ALG9: variants seen among roughly 807,000 people sequenced by gnomAD.
The protein encoded by ALG9 is ALG9 alpha-1,2-mannosyltransferase.
Under a neutral mutation model 81.8 loss-of-function variants are expected in ALG9, and 55 were observed. The observed-to-expected ratio is 0.67, with a 90% confidence interval of 0.54 to 0.84. The LOEUF (loss-of-function observed/expected upper bound fraction) is 0.84, where lower values mean the gene tolerates loss of function less well. Among genes scored for constraint, ALG9 ranks in the 40% least tolerant of loss-of-function variants. The pLI is 0.00. For missense variants in ALG9, 629 were observed against 745.0 expected (o/e 0.84, Z 1.81); for synonymous variants, 278 against 274.3 (o/e 1.01, Z -0.13).
intron 14 of ALG9, among the ~76,000 whole-genome samples, chr11:111,806,985 T>C (rs1348964317): frequency 6.6e-6 from 1 of 152,176 alleles, no homozygotes; most frequent in Non-Finnish European, 1.5e-5. Context: ...TGCATTTCTC[T>C]ATATCCTCAG....
intron 9 of ALG9, among the ~76,000 whole-genome samples, chr11:111,842,489 A>G (rs1555124898): frequency 6.6e-6 from 1 of 151,956 alleles, no homozygotes; most frequent in East Asian, 1.9e-4. Flanking sequence ...TGGCACAACC[A>G]TGGCTCACTG....
At chr11:111,797,839 T>C (rs1215633452) in intron 14 of ALG9, among the ~76,000 whole-genome samples, 1 of 152,146 alleles carries the variant, frequency 6.6e-6, no homozygotes, top group African/African-American at 2.4e-5. Context: ...CAGCTAAAGT[T>C]CAGTGGCCAC....
At chr11:111,820,376 TCATGGCAGAAGGCAGCA>T (rs1276557387) in intron 13 of ALG9, among the ~76,000 whole-genome samples, 3 of 152,190 alleles carry the variant, frequency 2.0e-5, no homozygotes, top group African/African-American at 7.2e-5. Flanking sequence ...CTGTGCCATC[TCATGGCAGAAGGCAGCA>T]CATGGCAGAA....
chr11:111,851,830 T>C (rs552187540), intron 8 of ALG9, among the ~76,000 whole-genome samples: 6 of 152,198 alleles, frequency 3.9e-5, no homozygotes, highest in Non-Finnish European at 5.9e-5. Context: ...GGGAGACATC[T>C]AGAGGCAAAA....
At chr11:111,815,409 T>TA (rs557508296) in intron 13 of ALG9, among the ~76,000 whole-genome samples, 245 of 151,504 alleles carry the variant, frequency 1.6e-3, no homozygotes, top group African/African-American at 5.6e-3. Context: ...TCTCTAAAAC[T>TA]AAAAAAAAGA....
intron 13 of ALG9, among the ~76,000 whole-genome samples, chr11:111,833,999 T>A (rs1447807767): frequency 3.9e-5 from 6 of 152,214 alleles, no homozygotes; most frequent in Non-Finnish European, 7.3e-5. Flanking sequence ...TGAGAAAGCA[T>A]GTAAAAGTGA....
Position 111,871,489 on chromosome 11 carries a change from C to T in ALG9, c.-7G>A. ...GAGCCCCTCGACTAGCCATGGCAAG[C>T]CTGGGGAAAAAAGAATTCGGCACCC... On this transcript the variant is annotated 5_prime_UTR_variant, in exon 1 of 15. Coordinates refer to ENST00000616540, the MANE Select transcript of ALG9 (RefSeq NM_024740.2). 6.5e-7 allele frequency: 1 copy of T among 1,536,356 alleles called. No individual in the cohort carries two copies. Among genetic ancestry groups the T allele is most frequent in the Non-Finnish European group, 8.7e-7 (1 of 1,146,570 alleles).
intron 14 of ALG9, among the ~76,000 whole-genome samples, chr11:111,790,719 T>C (rs1947269624): frequency 6.6e-6 from 1 of 152,142 alleles, no homozygotes; most frequent in Admixed American, 6.5e-5. Flanking sequence ...TTGATAAACA[T>C]GAAATAATGA....
intron 14 of ALG9, among the ~76,000 whole-genome samples, chr11:111,792,028 A>AGCC (rs1171387738): frequency 6.6e-6 from 1 of 152,206 alleles, no homozygotes; most frequent in Non-Finnish European, 1.5e-5. Context: ...GGTCGCAGTG[A>AGCC]GCCAAGATTG....
chr11:111,827,761 G>A (rs1479753564), intron 13 of ALG9, among the ~76,000 whole-genome samples: 7 of 150,248 alleles, frequency 4.7e-5, no homozygotes, highest in South Asian at 2.1e-4. Context: ...CCAGCTACTC[G>A]GTAGCTGAGG....
intron 13 of ALG9, among the ~76,000 whole-genome samples, chr11:111,835,036 T>C (rs1225353185): frequency 6.6e-6 from 1 of 152,212 alleles, no homozygotes. Flanking sequence ...AGGGTCTCCA[T>C]GGAACTCTAA....
intron 13 of ALG9, among the ~76,000 whole-genome samples, chr11:111,820,678 T>C (rs1952190468): frequency 1.3e-5 from 2 of 152,192 alleles, no homozygotes; most frequent in African/African-American, 2.4e-5. Context: ...ACAGACAAGA[T>C]GTTAGAGATA....
chr11:111,840,861 A>G (rs2136887311), intron 9 of ALG9, 52 bp from the exon 10 acceptor site: 1 of 1,602,904 alleles, frequency 6.2e-7, no homozygotes, highest in East Asian at 2.2e-5. Context: ...ACAAAACAAC[A>G]TATTTAGTTT....
the ALG9 span, among the ~76,000 whole-genome samples, chr11:111,776,319 G>A: frequency 6.6e-6 from 1 of 152,304 alleles, no homozygotes; most frequent in African/African-American, 2.4e-5. Flanking sequence ...GCTGGACATA[G>A]TGGTTCACGC....
intron 13 of ALG9, among the ~76,000 whole-genome samples, chr11:111,815,227 C>A (rs922104088): frequency 1.3e-5 from 2 of 151,998 alleles, no homozygotes; most frequent in African/African-American, 4.8e-5. Context: ...AGTGACAGCT[C>A]GTCTCTACAA....
At chr11:111,778,620 A>T (rs1945758630), downstream of ALG9, among the ~76,000 whole-genome samples, 1 of 151,976 alleles carries the variant, frequency 6.6e-6, no homozygotes, top group African/African-American at 2.4e-5. Context: ...TGCCTGTTTA[A>T]TTACCTTTGA....
chr11:111,855,925 C>G (rs959478986), intron 6 of ALG9, among the ~76,000 whole-genome samples: 13 of 152,104 alleles, frequency 8.5e-5, no homozygotes, highest in African/African-American at 3.1e-4. Flanking sequence ...TTAGTAACTC[C>G]CCTCATAAAA....
downstream of ALG9, among the ~76,000 whole-genome samples, chr11:111,777,724 A>T (rs1268535162): frequency 6.6e-6 from 1 of 152,230 alleles, no homozygotes; most frequent in Non-Finnish European, 1.5e-5. Flanking sequence ...TAGCACTGAA[A>T]AAACAGCCTT....
chr11:111,785,185 C>T lies in ALG9; in HGVS notation c.*1212G>A, dbSNP rs1036759496. The T allele has an allele frequency of 2.0e-5, 3 of 152,332 alleles. No individual in the cohort carries two copies. Among genetic ancestry groups the T allele is most frequent in the African/African-American group, 7.2e-5 (3 of 41,442 alleles). The allele number at this position is 152,332 out of a possible 1,614,324, so 9.4% of individuals were successfully genotyped here. On this transcript the variant is annotated 3_prime_UTR_variant, in exon 15 of 15. Coordinates refer to ENST00000616540, the MANE Select transcript of ALG9 (RefSeq NM_024740.2). ...TGGCTGTGTGACCTTAGGCAACTAA[C>T]TATCTTTACCTCCCCTCACTCCCCA...
Sources: allele counts gnomAD v4.1 joint callset (sites outside exome capture counted in the v4.1 genomes callset), GRCh38; gene constraint gnomAD v4.1.1; transcripts MANE v1.5; gene names NCBI Gene and HGNC (gene_info 2026-07-23, HGNC 2026-07-21).